The following AHRR variants were observed in gnomAD, a reference collection of about 807,000 sequenced individuals.
The protein encoded by AHRR is aryl hydrocarbon receptor repressor.
In AHRR, 28 loss-of-function variants were observed where a neutral mutation model predicts 44.0. The observed-to-expected ratio is 0.64, with a 90% confidence interval of 0.47 to 0.87. AHRR has a LOEUF of 0.87. Ranked by LOEUF, AHRR falls within the 40% of genes least tolerant of loss-of-function variation. The probability of loss-of-function intolerance (pLI) is 0.00; values close to 1 mark genes in which losing one functional copy is unlikely to be tolerated. For missense variants in AHRR, 990 were observed against 953.9 expected, an observed-to-expected ratio of 1.04 and a Z score of -0.50; for synonymous variants, 434 against 407.0, an observed-to-expected ratio of 1.07 and a Z score of -0.80.
chr5:347,938 G>A (rs1480194172), intron 2 of AHRR, among the ~76,000 whole-genome samples: 3 of 152,250 alleles, frequency 2.0e-5, no homozygotes, highest in African/African-American at 4.8e-5. Flanking sequence ...CTCCTCTGTG[G>A]TGATGGGGGA....
intron 5 of AHRR, among the ~76,000 whole-genome samples, chr5:413,908 G>A (rs1735582303): frequency 1.3e-5 from 2 of 152,228 alleles, no homozygotes; most frequent in African/African-American, 2.4e-5. Flanking sequence ...CAGAGAATGG[G>A]GTTGAGGCCT....
intron 5 of AHRR, among the ~76,000 whole-genome samples, chr5:416,101 G>A (rs914737628): frequency 1.1e-4 from 16 of 152,236 alleles, no homozygotes; most frequent in African/African-American, 1.7e-4. Context: ...CAGCATCCAC[G>A]TGAAGGTGCA....
chr5:423,692 A>C (rs1736237973), intron 6 of AHRR, 149 bp from the exon 7 acceptor site: 2 of 1,071,814 alleles, frequency 1.9e-6, no homozygotes, highest in African/African-American at 3.2e-5. Context: ...AATTTGAGTG[A>C]CATCTAGAGG....
intron 1 of AHRR, among the ~76,000 whole-genome samples, chr5:334,574 T>G (rs1421587456): frequency 1.3e-5 from 2 of 152,070 alleles, no homozygotes. Flanking sequence ...TTGGTAAATA[T>G]CTCATTCATA....
rs1005797073 is a variant in AHRR, at chr5:404,767, A to G, written c.352-8577A>G. On this transcript the variant is annotated intron_variant, in intron 4 of 10. Coordinates refer to ENST00000684583, the MANE Select transcript of AHRR (RefSeq NM_001377236.1). This position sits in a 1 kb window ranked among gnomAD's most constrained non-coding sequence, Gnocchi z 4.1. ...CTTCCAGCTGGTGGGAGGCTGGATG[A>G]GAAGGTGTTATGTTTTTAGGTGAAA... Among the ~76,000 whole-genome samples, 2 of 152,136 alleles carry G rather than the reference A, an allele frequency of 1.3e-5. No homozygotes were observed.
chr5:380,440 T>C (rs1423234667), intron 4 of AHRR, among the ~76,000 whole-genome samples: 1 of 152,214 alleles, frequency 6.6e-6, no homozygotes, highest in Non-Finnish European at 1.5e-5. Context: ...ATTTGAACAA[T>C]ACTGACTCTC....
chr5:411,926 T>C lies in AHRR; in HGVS notation c.352-1418T>C, dbSNP rs1047205207. ...GGGCGAGATATTCCACCTGGTAGCC[T>C]GTGCTTGCTCAGCGTCAGTGGCCAT... On this transcript the variant is annotated intron_variant, in intron 4 of 10. Transcript: ENST00000684583. This position sits in a 1 kb window ranked among gnomAD's most constrained non-coding sequence, Gnocchi z 4.2. Among the ~76,000 whole-genome samples the C allele has an allele frequency of 4.6e-5, 7 of 152,216 alleles. No homozygotes were observed. The highest frequency in any genetic ancestry group is 1.0e-4 in the Non-Finnish European group (7 of 68,040).
intron 7 of AHRR, among the ~76,000 whole-genome samples, chr5:425,023 GCCACAAGGCCCTCAGACCCCAGCACC>G (rs2126537251): frequency 6.6e-6 from 1 of 152,306 alleles, no homozygotes; most frequent in East Asian, 1.9e-4. Context: ...GCAATTCAAT[GCCACAAGGCCCTCAGACCCCAGCACC>G]CCACAAGGCC....
chr5:404,618 T>G lies in AHRR; in HGVS notation c.352-8726T>G. ...TATGACGGTTTGGAAAAAACTGTCA[T>G]AAAAATTCACTCTCTTGGTTGAGTC... On this transcript the variant is annotated intron_variant, in intron 4 of 10. Transcript: ENST00000684583. The surrounding 1 kb of genome is among the most constrained non-coding windows in gnomAD (Gnocchi z 4.1). 4.7e-6 allele frequency: 1 copy of G among 215,002 alleles called. No homozygotes were observed. Among genetic ancestry groups the G allele is most frequent in the Non-Finnish European group, 9.4e-6 (1 of 105,846 alleles). 13.3% of individuals were successfully genotyped at this position (215,002 alleles called of 1,614,324 possible). A position where few individuals can be genotyped will look rare whatever the true frequency, so the allele number is the denominator to read the frequency against.
At position 434,030 on chromosome 5, in the gene AHRR, C is replaced by T. The variant is rs1560927030; in HGVS notation, c.1290C>T (p.Pro430=). 6.2e-7 allele frequency: 1 copy of T among 1,605,000 alleles called. No homozygotes were observed. The highest frequency in any genetic ancestry group is 1.7e-5 in the Admixed American group (1 of 58,878). The change falls in exon 11 of 11, where the codon CCC becomes CCT. Residue 430 remains proline, a synonymous_variant. Coordinates refer to ENST00000684583, the MANE Select transcript of AHRR (RefSeq NM_001377236.1). ...KNDPPSLRPM[P]RGSCLPCPCV... is the part of the protein sequence containing the mutation. Reference sequence around the variant, plus strand: ...ACCCGCCCTCCCTGCGCCCCATGCCCCGCGGCTCCTGCCTGCCCTGCCCGT... The same window carrying T: ...ACCCGCCCTCCCTGCGCCCCATGCCTCGCGGCTCCTGCCTGCCCTGCCCGT...
chr5:365,691 AAGC>A (rs1743332661), intron 3 of AHRR, among the ~76,000 whole-genome samples: 1 of 151,842 alleles, frequency 6.6e-6, no homozygotes, highest in Non-Finnish European at 1.5e-5. Flanking sequence ...AGAAAAGAAT[AAGC>A]AGTATTAGGA....
chr5:407,729 G>A (rs781515288), intron 4 of AHRR, among the ~76,000 whole-genome samples: 15 of 152,308 alleles, frequency 9.8e-5, no homozygotes, highest in Middle Eastern at 3.4e-3. Context: ...AGTAAAGACA[G>A]GGTTTCACCA....
intron 4 of AHRR, among the ~76,000 whole-genome samples, chr5:409,484 G>C (rs559011914): frequency 6.6e-6 from 1 of 152,106 alleles, no homozygotes; most frequent in Non-Finnish European, 1.5e-5. Flanking sequence ...CAGTGCTGTC[G>C]GTCTTTCTGA....
chr5:333,553 A>G (rs777087865), intron 1 of AHRR, among the ~76,000 whole-genome samples: 4 of 152,114 alleles, frequency 2.6e-5, no homozygotes, highest in African/African-American at 4.8e-5. Flanking sequence ...CTGAGATTGC[A>G]CCACTGCACT....
At chr5:400,532 T>C (rs1353711379) in intron 4 of AHRR, among the ~76,000 whole-genome samples, 1 of 152,066 alleles carries the variant, frequency 6.6e-6, no homozygotes, top group Non-Finnish European at 1.5e-5. Context: ...TTTGGAAAAG[T>C]GATCTCATTT....
chr5:367,274 G>T (rs80242871), intron 3 of AHRR, among the ~76,000 whole-genome samples: 6 of 152,188 alleles, frequency 3.9e-5, no homozygotes, highest in Non-Finnish European at 5.9e-5. Context: ...GTGGGCACGT[G>T]GTGGGCCCTC....
chr5:330,692 A>T (rs551630061), intron 1 of AHRR, among the ~76,000 whole-genome samples: 1 of 151,628 alleles, frequency 6.6e-6, no homozygotes, highest in East Asian at 2.0e-4. Context: ...GTCTATGTTC[A>T]TCAGGGATAT....
rs553426716 is a variant in AHRR at position 437,920 on chromosome 5, G to T, written c.*3086G>T. The T allele has an allele frequency of 2.0e-5, 3 of 152,514 alleles. No individual in the cohort carries two copies. Among genetic ancestry groups the T allele is most frequent in the Admixed American group, 2.0e-4 (3 of 15,306 alleles). 9.4% of individuals were successfully genotyped at this position (152,514 alleles called of 1,614,324 possible). A position where few individuals can be genotyped will look rare whatever the true frequency, so the allele number is the denominator to read the frequency against. On this transcript the variant is annotated 3_prime_UTR_variant, in exon 11 of 11. Coordinates refer to ENST00000684583, the MANE Select transcript of AHRR (RefSeq NM_001377236.1). ...TGGGGAAGACTATGGAACATAGAAA[G>T]TGTGGATGTATCACTTCTCTCTAAA...
Position 337,345 on chromosome 5 carries a change from T to TA in AHRR, c.-10-6542dup, listed in dbSNP as rs943269977. On this transcript the variant is annotated intron_variant, in intron 1 of 10. Transcript: ENST00000684583. The surrounding 1 kb of genome is among the most constrained non-coding windows in gnomAD (Gnocchi z 4.1). ...ATGTGTATGTCTAAAACGTGGATTT[T>TA]AAAAAATCAGCTCTCTGTTTTTCTT... Among the ~76,000 whole-genome samples, 1 of 152,134 alleles carries TA rather than the reference T, an allele frequency of 6.6e-6. No individual in the cohort carries two copies. The highest frequency in any genetic ancestry group is 2.4e-5 in the African/African-American group (1 of 41,430).
Sources: gnomAD v4.1 joint callset for allele counts (sites outside exome capture counted in the v4.1 genomes callset) on GRCh38, gnomAD v4.1.1 for gene constraint, Gnocchi (gnomAD v3.1) non-coding constraint, MANE v1.5 for transcripts, NCBI Gene and HGNC (gene_info 2026-07-23, HGNC 2026-07-21) for gene names.